Variants in TOM1L2 observed in about 807,000 individuals in gnomAD.
TOM1L2 encodes target of myb1 like 2 membrane trafficking protein, also known as TOM1-like protein 2.
TOM1L2 carries 31 observed loss-of-function variants against 67.9 expected under a neutral mutation model. The ratio of observed to expected loss-of-function variants is 0.46; its 90% CI spans 0.34 to 0.62. TOM1L2 has a LOEUF of 0.62. TOM1L2 is among the 20% of genes least tolerant of loss of function. TOM1L2 has a pLI of 0.01. For missense variants in TOM1L2, 606 were observed against 663.5 expected (o/e 0.91, Z 0.95); for synonymous variants, 256 against 254.0 (o/e 1.01, Z -0.07).
intron 3 of TOM1L2, among the ~76,000 whole-genome samples, chr17:17,897,704 C>T (rs537546379): frequency 6.6e-6 from 1 of 152,238 alleles, no homozygotes; most frequent in South Asian, 2.1e-4. Context: ...TTACCCCATG[C>T]AAAAGACCAC....
intron 4 of TOM1L2, among the ~76,000 whole-genome samples, chr17:17,887,459 C>T (rs2038056823): frequency 6.6e-6 from 1 of 152,170 alleles, no homozygotes; most frequent in Non-Finnish European, 1.5e-5. Flanking sequence ...TGCCATGTGT[C>T]CCTAGCATCT....
chr17:17,922,213 TAAGA>T (rs2039906513), intron 1 of TOM1L2, among the ~76,000 whole-genome samples: 1 of 151,928 alleles, frequency 6.6e-6, no homozygotes, highest in African/African-American at 2.4e-5. Context: ...CTGTGAAAGC[TAAGA>T]AATGGGCCTG....
At chr17:17,880,377 C>T (rs745939172) in intron 6 of TOM1L2, among the ~76,000 whole-genome samples, 10 of 152,184 alleles carry the variant, frequency 6.6e-5, no homozygotes, top group South Asian at 2.1e-4. Context: ...TGCCCATCAG[C>T]GATCCCAAAG....
chr17:17,954,299 T>C (rs1247155698), intron 1 of TOM1L2, among the ~76,000 whole-genome samples: 3 of 149,146 alleles, frequency 2.0e-5, no homozygotes, highest in Non-Finnish European at 4.4e-5. Flanking sequence ...CCAGGCTACA[T>C]TTATAAATCA....
chr17:17,858,112 CAGA>C, intron 12 of TOM1L2: 1 of 344,104 alleles, frequency 2.9e-6, no homozygotes, highest in East Asian at 5.2e-5. Context: ...CAGGAGATCA[CAGA>C]AGGTTGACCA....
intron 1 of TOM1L2, among the ~76,000 whole-genome samples, chr17:17,933,360 C>T (rs1054520402): frequency 6.6e-6 from 1 of 152,212 alleles, no homozygotes; most frequent in Non-Finnish European, 1.5e-5. Flanking sequence ...ACAGTCACCC[C>T]TAGCTGCAAG....
chr17:17,887,533 G>A (rs1200825652), intron 4 of TOM1L2, among the ~76,000 whole-genome samples: 2 of 152,168 alleles, frequency 1.3e-5, no homozygotes, highest in African/African-American at 2.4e-5. Context: ...GAGTACAATG[G>A]TGGTGCCATC....
chr17:17,852,384 C>T (rs1046920593), intron 12 of TOM1L2, among the ~76,000 whole-genome samples: 1 of 151,974 alleles, frequency 6.6e-6, no homozygotes, highest in Admixed American at 6.5e-5. Flanking sequence ...TACGATGCCA[C>T]CAGAGCTCTT....
At chr17:17,944,450 C>T (rs770540968) in intron 1 of TOM1L2, among the ~76,000 whole-genome samples, 3 of 152,226 alleles carry the variant, frequency 2.0e-5, no homozygotes, top group Admixed American at 1.3e-4. Flanking sequence ...GACAGCTTGA[C>T]GCTCCCTTCA....
At chr17:17,864,954 C>T in intron 10 of TOM1L2, among the ~76,000 whole-genome samples, 1 of 151,924 alleles carries the variant, frequency 6.6e-6, no homozygotes, top group East Asian at 1.9e-4. Context: ...TAACTCAAGT[C>T]AAATGAAAGG....
intron 1 of TOM1L2, among the ~76,000 whole-genome samples, chr17:17,914,020 G>C (rs2039520809): frequency 6.6e-6 from 1 of 152,180 alleles, no homozygotes; most frequent in Non-Finnish European, 1.5e-5. Flanking sequence ...CAAAAGAGTA[G>C]CAAGTCCAGG....
In TOM1L2 at chr17:17,898,581, G is replaced by A; in HGVS notation, c.216+15C>T. Reference sequence around the variant, plus strand: ...TCCCCAGATGACTTCTCTCCTCAAGGAGAATAGCACTCACTGTTAATGCCA... The same window carrying A: ...TCCCCAGATGACTTCTCTCCTCAAGAAGAATAGCACTCACTGTTAATGCCA... On this transcript the variant is annotated intron_variant, in intron 3 of 14. Transcript: ENST00000379504. The A allele has an allele frequency of 2.5e-6, 4 of 1,613,978 alleles. No individual in the cohort carries two copies. The highest frequency in any genetic ancestry group is 3.4e-6 in the Non-Finnish European group (4 of 1,179,840).
chr17:17,904,185 G>A (rs2038984212), intron 2 of TOM1L2, among the ~76,000 whole-genome samples: 1 of 152,084 alleles, frequency 6.6e-6, no homozygotes, highest in Non-Finnish European at 1.5e-5. Context: ...AACATTCTCA[G>A]GAATCACTGA....
intron 2 of TOM1L2, among the ~76,000 whole-genome samples, chr17:17,900,521 CAA>C (rs546614872): frequency 2.9e-4 from 17 of 58,810 alleles, no homozygotes; most frequent in Admixed American, 5.7e-4. Flanking sequence ...GACTCCATCT[CAA>C]AAAAAAAAAA....
intron 13 of TOM1L2, 44 bp from the exon 14 acceptor site, chr17:17,848,903 G>C (rs940945762): frequency 1.2e-6 from 2 of 1,609,466 alleles, no homozygotes; most frequent in South Asian, 2.2e-5. Context: ...ACTGGTCCAA[G>C]CACTGCCCGC....
At chr17:17,861,248 T>C (rs1242135338) in intron 12 of TOM1L2, among the ~76,000 whole-genome samples, 2 of 152,150 alleles carry the variant, frequency 1.3e-5, no homozygotes, top group Non-Finnish European at 2.9e-5. Flanking sequence ...GACTGTTTTC[T>C]CTTGGGTGGA....
At chr17:17,906,852 A>G (rs1487993503) in intron 2 of TOM1L2, among the ~76,000 whole-genome samples, 3 of 152,258 alleles carry the variant, frequency 2.0e-5, no homozygotes, top group Admixed American at 6.5e-5. Flanking sequence ...GTATGGACAG[A>G]GGGCTAAATA....
rs60388742 is a variant in TOM1L2, at chr17:17,952,376, C to CTTT, written c.52+19883_52+19885dup. Among the ~76,000 whole-genome samples, 174 of 79,780 alleles carry CTTT rather than the reference C, an allele frequency of 2.2e-3. 1 individual carries two copies. Among genetic ancestry groups the CTTT allele is most frequent in the African/African-American group, 4.7e-3 (107 of 22,790 alleles). The allele number at this position is 79,780 out of a possible 152,430, so 52.3% of individuals were successfully genotyped here. ...TATACAGTAAGTGCTTCTTTATTTT[C>CTTT]TTTTTTTTTTTTTTTTTTTTTTTTT... On this transcript the variant is annotated intron_variant, in intron 1 of 14. Coordinates refer to ENST00000379504, the MANE Select transcript of TOM1L2 (RefSeq NM_001082968.2).
intron 1 of TOM1L2, among the ~76,000 whole-genome samples, chr17:17,914,937 A>G (rs2039567093): frequency 6.6e-6 from 1 of 152,230 alleles, no homozygotes; most frequent in African/African-American, 2.4e-5. Flanking sequence ...ATGCAGACAG[A>G]AGACTGTTGC....
Sources: allele counts gnomAD v4.1 joint callset (sites outside exome capture counted in the v4.1 genomes callset), GRCh38; gene constraint gnomAD v4.1.1; transcripts MANE v1.5; gene names NCBI Gene and HGNC (gene_info 2026-07-23, HGNC 2026-07-21).